Variants in GFRA1 observed in about 807,000 individuals in gnomAD.
GFRA1 encodes GDNF family receptor alpha 1.
Under a neutral mutation model 51.6 loss-of-function variants are expected in GFRA1, and 16 were observed. The ratio of observed to expected loss-of-function variants is 0.31; its 90% CI spans 0.21 to 0.47. The LOEUF (loss-of-function observed/expected upper bound fraction) is 0.47. GFRA1 is among the 20% of genes least tolerant of loss of function. GFRA1 has a pLI of 1.00. For missense variants in GFRA1, 530 were observed against 594.3 expected, an observed-to-expected ratio of 0.89 and a Z score of 1.13; for synonymous variants, 270 against 241.3, an observed-to-expected ratio of 1.12 and a Z score of -1.10.
intron 4 of GFRA1, among the ~76,000 whole-genome samples, chr10:116,241,751 C>A (rs1362259246): frequency 6.6e-6 from 1 of 152,146 alleles, no homozygotes; most frequent in African/African-American, 2.4e-5. Flanking sequence ...GCTGCAATGG[C>A]TGGACTACTG....
intron 5 of GFRA1, among the ~76,000 whole-genome samples, chr10:116,193,188 G>A (rs1963424234): frequency 6.6e-6 from 1 of 152,108 alleles, no homozygotes; most frequent in Admixed American, 6.6e-5. Context: ...CATTTTAAGA[G>A]CAATTATGTT....
intron 9 of GFRA1, among the ~76,000 whole-genome samples, chr10:116,072,605 C>T (rs1955449885): frequency 6.6e-6 from 1 of 151,966 alleles, no homozygotes; most frequent in Non-Finnish European, 1.5e-5. Flanking sequence ...CCTAAAAATA[C>T]AAAAAATTAG....
rs74236846 is a variant in GFRA1, at chr10:116,244,868, T to C, written c.418+24635A>G. 1.1e-4 allele frequency among the ~76,000 whole-genome samples: 16 copies of C among 152,204 alleles called. No homozygotes were observed. In the East Asian group the frequency reaches 3.1e-3, roughly 29 times the overall value. On this transcript the variant is annotated intron_variant, in intron 4 of 10. Transcript: ENST00000355422. Reference sequence around the variant, plus strand: ...CACATAGGAAAAATAAAATCATACCTAATGCCAAAACTGAGGAATGTTTTT... The same window carrying C: ...CACATAGGAAAAATAAAATCATACCCAATGCCAAAACTGAGGAATGTTTTT...
chr10:116,165,264 G>A (rs1020400781), intron 5 of GFRA1, among the ~76,000 whole-genome samples: 13 of 152,164 alleles, frequency 8.5e-5, no homozygotes, highest in African/African-American at 1.9e-4. Context: ...ATGGTGTGGC[G>A]ACATTTTGTC....
At chr10:116,089,219 A>G (rs1956229225) in intron 9 of GFRA1, among the ~76,000 whole-genome samples, 1 of 152,102 alleles carries the variant, frequency 6.6e-6, no homozygotes, top group Admixed American at 6.6e-5. Context: ...CCTACTGCCA[A>G]AGAGCACTTG....
rs147847498 is a variant in GFRA1 at position 116,143,059 on chromosome 10, C to A, written c.434-17502G>T. On this transcript the variant is annotated intron_variant, in intron 5 of 10. Coordinates refer to ENST00000355422, the MANE Select transcript of GFRA1 (RefSeq NM_005264.8). ...ATGAAAACACTCCATATTTTGGGAG[C>A]TTTAATTGCTGCCAGTGCTGAACAG... Among the ~76,000 whole-genome samples the A allele has an allele frequency of 3.0e-4, 45 of 152,142 alleles. 1 individual carries two copies. Among genetic ancestry groups the A allele is most frequent in the Non-Finnish European group, 5.4e-4 (37 of 68,032 alleles).
rs890249896 is a variant in GFRA1, at chr10:116,058,046, G to C, written c.*6352C>G. 1.4e-5 allele frequency: 2 copies of C among 147,338 alleles called. No individual in the cohort carries two copies. Among genetic ancestry groups the C allele is most frequent in the East Asian group, 2.0e-4 (1 of 5,024 alleles). The allele number at this position is 147,338 out of a possible 1,614,324, so 9.1% of individuals were successfully genotyped here. A position where few individuals can be genotyped will look rare whatever the true frequency, so the allele number is the denominator to read the frequency against. On this transcript the variant is annotated 3_prime_UTR_variant, in exon 11 of 11. Coordinates refer to ENST00000355422, the MANE Select transcript of GFRA1 (RefSeq NM_005264.8). ...TGTGTGTGTGTGTGTGTGTGTGACA[G>C]AGAGAACCACGCTTTATTGGCGGAG...
intron 4 of GFRA1, among the ~76,000 whole-genome samples, chr10:116,253,458 A>G (rs1242844201): frequency 6.6e-6 from 1 of 152,180 alleles, no homozygotes; most frequent in African/African-American, 2.4e-5. Flanking sequence ...AGATAAAAAA[A>G]TTAGCCAGGT....
intron 5 of GFRA1, among the ~76,000 whole-genome samples, chr10:116,185,108 A>C (rs1296943811): frequency 6.6e-6 from 1 of 152,172 alleles, no homozygotes; most frequent in Non-Finnish European, 1.5e-5. Context: ...TAATTACTGC[A>C]ATGTAACATA....
chr10:116,225,017 A>G lies in GFRA1; in HGVS notation c.419-13372T>C, dbSNP rs568821103. On this transcript the variant is annotated intron_variant, in intron 4 of 10. Transcript: ENST00000355422. ...AGAAAACTATGCTCAGATGAAAGAC[A>G]GCATCTCCTCTCCTCAGGGGGTCAC... Among the ~76,000 whole-genome samples, 11 of 152,214 alleles carry G rather than the reference A, an allele frequency of 7.2e-5. No homozygotes were observed. The South Asian group carries it at 2.1e-3, about 29-fold the overall frequency.
chr10:116,088,362 G>A (rs1956184169), intron 9 of GFRA1, among the ~76,000 whole-genome samples: 1 of 152,100 alleles, frequency 6.6e-6, no homozygotes, highest in Admixed American at 6.5e-5. Context: ...TTGGCACATA[G>A]GCCACCAAAC....
At position 116,057,115 on chromosome 10, in the gene GFRA1, A is replaced by C. The variant is rs1413776331; in HGVS notation, c.*7283T>G. ...AGATGTTCTTCCAAGGGTGTTGGCA[A>C]TAAAGGCTGTTGCAAAACAGCTATG... On this transcript the variant is annotated 3_prime_UTR_variant, in exon 11 of 11. Coordinates refer to ENST00000355422, the MANE Select transcript of GFRA1 (RefSeq NM_005264.8). 6.6e-6 allele frequency: 1 copy of C among 152,200 alleles called. No individual in the cohort carries two copies. Among genetic ancestry groups the C allele is most frequent in the Non-Finnish European group, 1.5e-5 (1 of 68,032 alleles). 9.4% of individuals were successfully genotyped at this position (152,200 alleles called of 1,614,324 possible). A position where few individuals can be genotyped will look rare whatever the true frequency, so the allele number is the denominator to read the frequency against.
intron 5 of GFRA1, among the ~76,000 whole-genome samples, chr10:116,169,815 A>G (rs1365707568): frequency 6.6e-6 from 1 of 152,138 alleles, no homozygotes; most frequent in Non-Finnish European, 1.5e-5. Context: ...TGCGGGTGCA[A>G]GAAGCTGTCA....
At chr10:116,261,207 G>A (rs1005133413) in intron 4 of GFRA1, among the ~76,000 whole-genome samples, 2 of 152,180 alleles carry the variant, frequency 1.3e-5, no homozygotes, top group African/African-American at 2.4e-5. Flanking sequence ...CCAAGATATG[G>A]AGGGTTTCAA....
At chr10:116,165,162 T>G (rs1215129834) in intron 5 of GFRA1, among the ~76,000 whole-genome samples, 2 of 152,188 alleles carry the variant, frequency 1.3e-5, no homozygotes, top group Non-Finnish European at 2.9e-5. Flanking sequence ...CTCAGTGTCT[T>G]CAGCAATTCT....
intron 6 of GFRA1, among the ~76,000 whole-genome samples, chr10:116,116,745 C>T (rs755058307): frequency 9.9e-5 from 15 of 152,186 alleles, no homozygotes; most frequent in Non-Finnish European, 1.3e-4. Context: ...TTATAAGCAA[C>T]GAGTGTTCAA....
intron 5 of GFRA1, among the ~76,000 whole-genome samples, chr10:116,140,598 A>G (rs1334130057): frequency 1.3e-5 from 2 of 152,194 alleles, no homozygotes; most frequent in Non-Finnish European, 2.9e-5. Flanking sequence ...ACAGAAAGCC[A>G]AAATTCTGGA....
At chr10:116,192,003 G>A (rs189485462) in intron 5 of GFRA1, among the ~76,000 whole-genome samples, 1 of 152,140 alleles carries the variant, frequency 6.6e-6, no homozygotes, top group African/African-American at 2.4e-5. Flanking sequence ...CTCCAGCCTC[G>A]GGGACAAGAG....
chr10:116,229,284 G>A (rs755251076), intron 4 of GFRA1, among the ~76,000 whole-genome samples: 9 of 152,080 alleles, frequency 5.9e-5, no homozygotes, highest in South Asian at 2.1e-4. Flanking sequence ...CAAGGAAAGC[G>A]ATTACACAGA....
Sources: allele counts gnomAD v4.1 joint callset (sites outside exome capture counted in the v4.1 genomes callset), GRCh38; gene constraint gnomAD v4.1.1; transcripts MANE v1.5; gene names NCBI Gene and HGNC (gene_info 2026-07-23, HGNC 2026-07-21).